SLC17A8: variants seen among roughly 807,000 people sequenced by gnomAD.
SLC17A8 encodes vesicular glutamate transporter 3.
A neutral mutation model predicts 58.0 loss-of-function variants in SLC17A8; 31 were observed. The ratio of observed to expected loss-of-function variants is 0.53; its 90% CI spans 0.40 to 0.72. SLC17A8 has a LOEUF of 0.72. Among genes scored for constraint, SLC17A8 ranks in the 30% least tolerant of loss-of-function variants. The pLI is 0.00. For synonymous variants in SLC17A8, 228 were observed against 249.0 expected (o/e 0.92, Z 0.79); for missense variants, 655 against 727.8 (o/e 0.90, Z 1.15).
Position 100,401,834 on chromosome 12 carries a change from T to C in SLC17A8, c.734T>C (p.Ile245Thr). Residue 245 changes from isoleucine (I) to threonine (T), a missense_variant, in exon 6 of 12, where the codon ATT (isoleucine) becomes ACT (threonine). Ile to Thr is a moderately conservative substitution (Grantham distance 89). Coordinates refer to ENST00000323346, the MANE Select transcript of SLC17A8 (RefSeq NM_139319.3). ...MPLAGVLVQY[I>T]GWSSVFYIYG... is the part of the protein sequence containing the mutation. ...CTGGCTGGGGTGTTGGTGCAGTACA[T>C]TGGATGGTCCTCTGTCTTTTATATT... The C allele has an allele frequency of 6.2e-7, 1 of 1,613,956 alleles. No homozygotes were observed. The highest frequency in any genetic ancestry group is 8.5e-7 in the Non-Finnish European group (1 of 1,179,872).
chr12:100,385,367 C>T (rs1952667323), intron 2 of SLC17A8, among the ~76,000 whole-genome samples: 1 of 150,772 alleles, frequency 6.6e-6, no homozygotes, highest in African/African-American at 2.4e-5. Context: ...TATCAAGTAG[C>T]TGGGATTACA....
chr12:100,420,246 A>G lies in SLC17A8; in HGVS notation c.*87A>G. The G allele has an allele frequency of 4.7e-6, 5 of 1,059,720 alleles. No homozygotes were observed. Among genetic ancestry groups the G allele is most frequent in the Non-Finnish European group, 4.2e-6 (3 of 710,916 alleles). 65.6% of individuals were successfully genotyped at this position (1,059,720 alleles called of 1,614,324 possible). A position where few individuals can be genotyped will look rare whatever the true frequency, so the allele number is the denominator to read the frequency against. On this transcript the variant is annotated 3_prime_UTR_variant, in exon 12 of 12. Coordinates refer to ENST00000323346, the MANE Select transcript of SLC17A8 (RefSeq NM_139319.3). Reference sequence around the variant, plus strand: ...CCTTTCTTGTAGCCCAGCTTGCCAGAGGTCCAAATATTGGGAGGGGAGAAG... The same window carrying G: ...CCTTTCTTGTAGCCCAGCTTGCCAGGGGTCCAAATATTGGGAGGGGAGAAG...
At chr12:100,399,534 C>G (rs1199815546) in intron 5 of SLC17A8, among the ~76,000 whole-genome samples, 1 of 152,054 alleles carries the variant, frequency 6.6e-6, no homozygotes, top group Non-Finnish European at 1.5e-5. Flanking sequence ...AAGGAACTTA[C>G]AATCACGGCA....
In SLC17A8 at chr12:100,417,129, C is replaced by T. The variant is rs373380029; in HGVS notation, c.1298-900C>T. On this transcript the variant is annotated intron_variant, in intron 10 of 11. Coordinates refer to ENST00000323346, the MANE Select transcript of SLC17A8 (RefSeq NM_139319.3). ...CCATGTTGGCCAGGCTGGTCTTGAA[C>T]TTCTGACCTCAGGTGATCCACCCGC... is the stretch of plus-strand genomic sequence containing the variant. Among the ~76,000 whole-genome samples the T allele has an allele frequency of 2.6e-4, 39 of 152,350 alleles. No homozygotes were observed. In the East Asian group the frequency reaches 7.1e-3, roughly 28 times the overall value.
intron 1 of SLC17A8, among the ~76,000 whole-genome samples, chr12:100,370,306 T>G (rs1029380904): frequency 2.0e-5 from 3 of 151,972 alleles, no homozygotes; most frequent in African/African-American, 7.3e-5. Context: ...TTTTTTATTT[T>G]TTATTTTTGA....
chr12:100,369,527 A>G (rs1228637606), intron 1 of SLC17A8, among the ~76,000 whole-genome samples: 2 of 152,194 alleles, frequency 1.3e-5, no homozygotes, highest in Non-Finnish European at 2.9e-5. Context: ...AACCATCTGC[A>G]CTGCCATTCC....
intron 5 of SLC17A8, among the ~76,000 whole-genome samples, chr12:100,401,060 A>G (rs1952787553): frequency 7.8e-6 from 1 of 127,792 alleles, no homozygotes; most frequent in African/African-American, 3.0e-5. Flanking sequence ...TGCAGTGGTG[A>G]GATCTTGGCT....
intron 1 of SLC17A8, among the ~76,000 whole-genome samples, chr12:100,359,279 T>G (rs1423313446): frequency 3.9e-5 from 6 of 152,244 alleles, no homozygotes; most frequent in Non-Finnish European, 8.8e-5. Flanking sequence ...GTTTAATTGC[T>G]TTTTGTGAAA....
intron 2 of SLC17A8, among the ~76,000 whole-genome samples, chr12:100,381,945 G>A (rs117101442): frequency 2.6e-5 from 4 of 152,208 alleles, no homozygotes; most frequent in Admixed American, 6.5e-5. Flanking sequence ...CTATTTCCAC[G>A]TGGGACACAG....
At chr12:100,388,835 C>T (rs539720808) in intron 2 of SLC17A8, among the ~76,000 whole-genome samples, 3 of 152,222 alleles carry the variant, frequency 2.0e-5, no homozygotes, top group South Asian at 2.1e-4. Context: ...ATTCATTTGG[C>T]GAATACACAC....
intron 1 of SLC17A8, among the ~76,000 whole-genome samples, chr12:100,380,206 C>CAAT (rs35735833): frequency 2.5e-4 from 30 of 120,082 alleles, no homozygotes; most frequent in African/African-American, 9.1e-4. Context: ...AACTCCGTCT[C>CAAT]AAAAAAAAAA....
At chr12:100,409,146 TATG>T (rs1178084211) in intron 9 of SLC17A8, among the ~76,000 whole-genome samples, 1 of 10,780 alleles carries the variant, frequency 9.3e-5, no homozygotes, top group Non-Finnish European at 1.7e-4. Flanking sequence ...CATTAAACGT[TATG>T]TATGTATGTA....
intron 2 of SLC17A8, among the ~76,000 whole-genome samples, chr12:100,382,382 T>C (rs1952643966): frequency 1.3e-5 from 2 of 152,192 alleles, no homozygotes; most frequent in Admixed American, 6.5e-5. Context: ...ACTGGAAACA[T>C]AAAATCTGGT....
intron 2 of SLC17A8, among the ~76,000 whole-genome samples, chr12:100,382,974 C>A (rs1257909767): frequency 6.6e-6 from 1 of 152,120 alleles, no homozygotes; most frequent in Non-Finnish European, 1.5e-5. Context: ...ATGCCACAGC[C>A]AAATCTGTCC....
intron 5 of SLC17A8, among the ~76,000 whole-genome samples, chr12:100,399,688 C>A (rs562291452): frequency 6.6e-6 from 1 of 152,230 alleles, no homozygotes; most frequent in Non-Finnish European, 1.5e-5. Context: ...GGGAAATCCG[C>A]CCCCATGACC....
Position 100,393,360 on chromosome 12 carries a change from G to T in SLC17A8, c.474-9G>T, listed in dbSNP as rs1025516551. On this transcript the variant is annotated splice_polypyrimidine_tract_variant and intron_variant, in intron 3 of 11. Coordinates refer to ENST00000323346, the MANE Select transcript of SLC17A8 (RefSeq NM_139319.3). ...ACCTGCCGAATAACACAATGCTTTG[G>T]TCCCCCAGGGTCTTTGGAGCTGCCA... 2 of 1,603,584 alleles carry T rather than the reference G, an allele frequency of 1.2e-6. No individual in the cohort carries two copies. Among genetic ancestry groups the T allele is most frequent in the Non-Finnish European group, 1.7e-6 (2 of 1,170,740 alleles).
chr12:100,359,087 A>G lies in SLC17A8; in HGVS notation c.101+1595A>G, dbSNP rs558781399. On this transcript the variant is annotated intron_variant, in intron 1 of 11. Coordinates refer to ENST00000323346, the MANE Select transcript of SLC17A8 (RefSeq NM_139319.3). ...ACATTCAAGGTTGCAGCGAGCCAAG[A>G]TTGCGTCTCTGCACTCCAGCTAGGG... is the stretch of plus-strand genomic sequence containing the variant. 4.6e-4 allele frequency among the ~76,000 whole-genome samples: 70 copies of G among 152,272 alleles called. 2 individuals carry two copies. In the South Asian group the frequency reaches 0.014, roughly 32 times the overall value.
Position 100,420,325 on chromosome 12 carries a change from G to A in SLC17A8, c.*166G>A. The A allele has an allele frequency of 1.6e-6, 1 of 622,550 alleles. No homozygotes were observed. The highest frequency in any genetic ancestry group is 2.8e-5 in the Admixed American group (1 of 35,976). 38.6% of individuals were successfully genotyped at this position (622,550 alleles called of 1,614,324 possible). A position where few individuals can be genotyped will look rare whatever the true frequency, so the allele number is the denominator to read the frequency against. On this transcript the variant is annotated 3_prime_UTR_variant, in exon 12 of 12. Coordinates refer to ENST00000323346, the MANE Select transcript of SLC17A8 (RefSeq NM_139319.3). ...TATTATCTTTCAATGACATGTATAG[G>A]TAAGGAGCTGCGCTCAGTTGATAAC... is the stretch of plus-strand genomic sequence containing the variant.
At chr12:100,378,807 CT>C (rs1168997994) in intron 1 of SLC17A8, among the ~76,000 whole-genome samples, 1 of 152,106 alleles carries the variant, frequency 6.6e-6, no homozygotes, top group African/African-American at 2.4e-5. Context: ...TTTCCAATTG[CT>C]TTAATGTTCT....
Sources: allele counts gnomAD v4.1 joint callset (sites outside exome capture counted in the v4.1 genomes callset), GRCh38; gene constraint gnomAD v4.1.1; transcripts MANE v1.5; gene names NCBI Gene and HGNC (gene_info 2026-07-23, HGNC 2026-07-21).